SEMA6D: variants seen among roughly 807,000 people sequenced by gnomAD.
The protein encoded by SEMA6D is semaphorin-6D.
SEMA6D carries 35 observed loss-of-function variants against 106.6 expected under a neutral mutation model. The observed-to-expected ratio is 0.33, with a 90% CI of 0.25 to 0.44. The LOEUF is 0.44. Ranked by LOEUF, SEMA6D falls within the 20% of genes least tolerant of loss-of-function variation. The probability of loss-of-function intolerance (pLI) is 1.00; values close to 1 mark genes in which losing one functional copy is unlikely to be tolerated. For synonymous variants in SEMA6D, 499 were observed against 487.7 expected (o/e 1.02, Z -0.31); for missense variants, 1,185 against 1,345.9 (o/e 0.88, Z 1.87).
chr15:47,367,719 CACACACACAGAG>C (rs1353649602), intron 1 of SEMA6D, among the ~76,000 whole-genome samples: 2 of 26,834 alleles, frequency 7.5e-5, no homozygotes, highest in Admixed American at 4.0e-4. Flanking sequence ...CACACACACA[CACACACACAGAG>C]AGAGAGAAAG....
intron 4 of SEMA6D, among the ~76,000 whole-genome samples, chr15:47,656,891 T>C (rs1566964970): frequency 6.6e-6 from 1 of 152,184 alleles, no homozygotes; most frequent in East Asian, 1.9e-4. Context: ...GAAACCAGTA[T>C]ACACTCGGAT....
At chr15:47,379,140 G>A (rs567834618) in intron 1 of SEMA6D, among the ~76,000 whole-genome samples, 3 of 152,256 alleles carry the variant, frequency 2.0e-5, no homozygotes, top group African/African-American at 4.8e-5. Flanking sequence ...TGGTTAAGAC[G>A]TCTTTTATAT....
At chr15:47,717,460 G>A (rs1044638851), upstream of SEMA6D, 16 of 152,458 alleles carry the variant, frequency 1.0e-4, no homozygotes, top group African/African-American at 3.9e-4. Flanking sequence ...GAGATGGATC[G>A]AATTACACCA....
upstream of SEMA6D, among the ~76,000 whole-genome samples, chr15:47,716,205 TAA>T (rs1466014183): frequency 1.3e-5 from 2 of 152,210 alleles, no homozygotes; most frequent in African/African-American, 4.8e-5. Context: ...GTCTATATTT[TAA>T]AAGACTCCTC....
chr15:47,517,928 AC>A (rs1273308639), intron 3 of SEMA6D, among the ~76,000 whole-genome samples: 6 of 151,996 alleles, frequency 3.9e-5, no homozygotes, highest in African/African-American at 1.4e-4. Flanking sequence ...CATTTGGCCC[AC>A]CCTGACCCAC....
At chr15:47,741,456 CCTGTAATCCCAA>C (rs1169486387) in intron 1 of SEMA6D, among the ~76,000 whole-genome samples, 1 of 152,226 alleles carries the variant, frequency 6.6e-6, no homozygotes, top group African/African-American at 2.4e-5. Flanking sequence ...GTGGCTCACG[CCTGTAATCCCAA>C]CACTTTGGGA....
intron 1 of SEMA6D, among the ~76,000 whole-genome samples, chr15:47,270,610 A>C (rs550645711): frequency 5.3e-5 from 8 of 152,338 alleles, no homozygotes; most frequent in African/African-American, 1.9e-4. Flanking sequence ...CTAACCATGT[A>C]GACTCTGTAA....
chr15:47,247,926 TA>T (rs1312858433), intron 1 of SEMA6D, among the ~76,000 whole-genome samples: 2 of 152,182 alleles, frequency 1.3e-5, no homozygotes, highest in African/African-American at 4.8e-5. Flanking sequence ...GAAGGATTTT[TA>T]ATCCCCTCCA....
intron 4 of SEMA6D, among the ~76,000 whole-genome samples, chr15:47,622,614 A>C (rs2077127804): frequency 6.6e-6 from 1 of 152,172 alleles, no homozygotes. Context: ...TTACTAAGAA[A>C]ATACTCCTAG....
intron 1 of SEMA6D, among the ~76,000 whole-genome samples, chr15:47,333,606 A>G (rs1184115649): frequency 6.6e-6 from 1 of 152,202 alleles, no homozygotes; most frequent in East Asian, 1.9e-4. Flanking sequence ...GATGGCATAC[A>G]TCATTCACTC....
intron 1 of SEMA6D, among the ~76,000 whole-genome samples, chr15:47,229,739 C>G (rs1211145819): frequency 6.6e-6 from 1 of 152,132 alleles, no homozygotes; most frequent in Non-Finnish European, 1.5e-5. Flanking sequence ...TCCTTCTCCA[C>G]TGCATTCTTA....
intron 1 of SEMA6D, among the ~76,000 whole-genome samples, chr15:47,735,660 A>G (rs1222310498): frequency 6.6e-6 from 1 of 152,228 alleles, no homozygotes; most frequent in African/African-American, 2.4e-5. Flanking sequence ...GAGCAAATTT[A>G]AGATCACAAG....
chr15:47,289,986 A>C (rs1333101932), intron 1 of SEMA6D, among the ~76,000 whole-genome samples: 1 of 152,122 alleles, frequency 6.6e-6, no homozygotes, highest in Non-Finnish European at 1.5e-5. Flanking sequence ...GTAAAAAAGA[A>C]GAGTGGTTCA....
chr15:47,385,285 C>G (rs1258775930), intron 1 of SEMA6D, among the ~76,000 whole-genome samples: 2 of 151,978 alleles, frequency 1.3e-5, no homozygotes, highest in African/African-American at 4.8e-5. Context: ...ACCTGGTTTC[C>G]ATTTACAATA....
intron 2 of SEMA6D, among the ~76,000 whole-genome samples, chr15:47,452,915 G>T (rs13313436): frequency 2.6e-5 from 4 of 151,850 alleles, no homozygotes; most frequent in African/African-American, 7.2e-5. Flanking sequence ...ATTTTTAAAT[G>T]AATGTATTTA....
chr15:47,311,775 T>A (rs1011361007), intron 1 of SEMA6D, among the ~76,000 whole-genome samples: 1 of 152,190 alleles, frequency 6.6e-6, no homozygotes, highest in Non-Finnish European at 1.5e-5. Context: ...TCATATTTCG[T>A]CCTTGCCTAT....
chr15:47,462,964 G>T (rs1216279336), intron 2 of SEMA6D, among the ~76,000 whole-genome samples: 1 of 152,044 alleles, frequency 6.6e-6, no homozygotes, highest in Admixed American at 6.6e-5. Context: ...CATGGACAGA[G>T]AGAAAATGCC....
chr15:47,612,233 G>A (rs913066362), intron 4 of SEMA6D, among the ~76,000 whole-genome samples: 3 of 152,122 alleles, frequency 2.0e-5, no homozygotes, highest in Admixed American at 2.0e-4. Context: ...TTTGTAATTG[G>A]CCCCTTAAAA....
intron 2 of SEMA6D, among the ~76,000 whole-genome samples, chr15:47,435,597 T>C (rs1038396731): frequency 1.3e-5 from 2 of 152,092 alleles, no homozygotes; most frequent in African/African-American, 4.8e-5. Context: ...CAGCTCAGTG[T>C]GGCCAATTCT....
Sources: allele counts gnomAD v4.1 joint callset (sites outside exome capture counted in the v4.1 genomes callset), GRCh38; gene constraint gnomAD v4.1.1; transcripts MANE v1.5; gene names NCBI Gene and HGNC (gene_info 2026-07-23, HGNC 2026-07-21).